Variants in MEF2C observed in about 807,000 individuals in gnomAD.
The protein encoded by MEF2C is myocyte enhancer factor 2C.
In MEF2C, 6 loss-of-function variants were observed where a neutral mutation model predicts 50.5. The observed-to-expected ratio is 0.12, with a 90% confidence interval of 0.07 to 0.23. MEF2C has a LOEUF of 0.23. MEF2C is among the 10% of genes least tolerant of loss of function. The pLI is 1.00. For synonymous variants in MEF2C, 183 were observed against 228.0 expected, an observed-to-expected ratio of 0.80 and a Z score of 1.78; for missense variants, 276 against 605.0, an observed-to-expected ratio of 0.46 and a Z score of 5.70.
At chr5:88,771,337 A>G in intron 3 of MEF2C, 1 of 677,978 alleles carries the variant, frequency 1.5e-6, no homozygotes. Flanking sequence ...CATCCTTCCT[A>G]GAATATCCTT....
intron 10 of MEF2C, among the ~76,000 whole-genome samples, chr5:88,724,031 T>TA (rs1757493504): frequency 6.6e-6 from 1 of 152,168 alleles, no homozygotes; most frequent in Non-Finnish European, 1.5e-5. Context: ...TTACTCTTCT[T>TA]ACACTAATTA....
chr5:88,784,434 TTAAGA>T (rs1309021395), intron 3 of MEF2C, among the ~76,000 whole-genome samples: 2 of 152,200 alleles, frequency 1.3e-5, no homozygotes. Flanking sequence ...ATATAACTGT[TTAAGA>T]TAAAATGCTA....
chr5:88,794,983 TTCTGTTCCATTGG>T (rs1426233856), intron 3 of MEF2C, among the ~76,000 whole-genome samples: 1 of 152,220 alleles, frequency 6.6e-6, no homozygotes, highest in Non-Finnish European at 1.5e-5. Flanking sequence ...GAGGCCTCTG[TTCTGTTCCATTGG>T]TCTGTATAAC....
At chr5:88,751,580 T>C in intron 5 of MEF2C, 1 of 952,576 alleles carries the variant, frequency 1.0e-6, no homozygotes, top group Non-Finnish European at 1.2e-6. Context: ...AAAGGATATC[T>C]GACATCCTGT....
chr5:88,757,172 A>C (rs920431981), intron 4 of MEF2C, among the ~76,000 whole-genome samples: 4 of 152,238 alleles, frequency 2.6e-5, no homozygotes, highest in African/African-American at 9.6e-5. Context: ...CGGTTACTGT[A>C]GTGAGTCATA....
intron 2 of MEF2C, among the ~76,000 whole-genome samples, chr5:88,813,773 C>A (rs6884092): frequency 0.08 from 12,218 of 151,982 alleles, 577 homozygotes; most frequent in Non-Finnish European, 0.098. Context: ...TTTTTATTTT[C>A]ACCATTCTTT....
chr5:88,808,889 T>G (rs1350700632), intron 2 of MEF2C, among the ~76,000 whole-genome samples: 3 of 152,120 alleles, frequency 2.0e-5, no homozygotes, highest in Admixed American at 1.3e-4. Flanking sequence ...TAGTTTGTAA[T>G]GGGGACAAGT....
At chr5:88,778,766 G>C (rs1219187448) in intron 3 of MEF2C, among the ~76,000 whole-genome samples, 1 of 152,168 alleles carries the variant, frequency 6.6e-6, no homozygotes, top group Non-Finnish European at 1.5e-5. Flanking sequence ...GACACAGTAA[G>C]ATGTGATCTT....
chr5:88,826,355 A>G (rs1810840572), intron 1 of MEF2C, among the ~76,000 whole-genome samples: 1 of 151,994 alleles, frequency 6.6e-6, no homozygotes, highest in Non-Finnish European at 1.5e-5. Context: ...TTCTGTATAA[A>G]TATTTCTTGA....
At chr5:88,788,148 C>A (rs1791886431) in intron 3 of MEF2C, among the ~76,000 whole-genome samples, 1 of 151,558 alleles carries the variant, frequency 6.6e-6, no homozygotes, top group African/African-American at 2.4e-5. Flanking sequence ...TGGGCTGTAT[C>A]TATTAACCAT....
intron 1 of MEF2C, among the ~76,000 whole-genome samples, chr5:88,863,254 C>A (rs1331868272): frequency 6.6e-6 from 1 of 152,218 alleles, no homozygotes; most frequent in Non-Finnish European, 1.5e-5. Flanking sequence ...ATATTCAACT[C>A]CCTCATCAGA....
chr5:88,771,655 G>T, intron 3 of MEF2C: 1 of 966,782 alleles, frequency 1.0e-6, no homozygotes. Flanking sequence ...TGGTTCACTG[G>T]ATAAATGAAT....
intron 4 of MEF2C, among the ~76,000 whole-genome samples, chr5:88,756,397 A>T (rs541942230): frequency 6.6e-6 from 1 of 152,316 alleles, no homozygotes; most frequent in South Asian, 2.1e-4. Flanking sequence ...CTTCTAAGTG[A>T]GAACATACGG....
chr5:88,887,934 A>G (rs1157906559), upstream of MEF2C, among the ~76,000 whole-genome samples: 1 of 152,246 alleles, frequency 6.6e-6, no homozygotes, highest in East Asian at 1.9e-4. Context: ...TAAGGATTCT[A>G]TGTTTATCTG....
At chr5:88,770,095 T>C in intron 3 of MEF2C, 1 of 723,848 alleles carries the variant, frequency 1.4e-6, no homozygotes, top group Non-Finnish European at 1.7e-6. Context: ...TAAACAAAGG[T>C]TGAGAGAGGA....
At position 88,797,449 on chromosome 5, in the gene MEF2C, C is replaced by G. The variant is rs574251684; in HGVS notation, c.258+7149G>C. ...TTTTATCACAGACTAGGATTGCAAC[C>G]CTTGCCTTTTTTTTTTTTTTTTTTT... On this transcript the variant is annotated intron_variant, in intron 3 of 10. Coordinates refer to ENST00000504921, the MANE Select transcript of MEF2C (RefSeq NM_002397.5). 2.3e-5 allele frequency among the ~76,000 whole-genome samples: 3 copies of G among 131,596 alleles called. No homozygotes were observed. The South Asian group carries it at 7.1e-4, about 31-fold the overall frequency. The allele number at this position is 131,596 out of a possible 152,430, so 86.3% of individuals were successfully genotyped here.
intron 3 of MEF2C, among the ~76,000 whole-genome samples, chr5:88,766,150 G>C (rs1417353634): frequency 6.6e-6 from 1 of 152,142 alleles, no homozygotes; most frequent in Non-Finnish European, 1.5e-5. Context: ...TATTCCATTT[G>C]CTCATCGGAA....
At chr5:88,865,681 C>G (rs972043056) in intron 1 of MEF2C, among the ~76,000 whole-genome samples, 2 of 152,052 alleles carry the variant, frequency 1.3e-5, no homozygotes, top group Non-Finnish European at 2.9e-5. Flanking sequence ...TAGTCAAAAT[C>G]ACATTAGGAA....
At chr5:88,894,832 A>C (rs1250910103) in intron 1 of MEF2C, among the ~76,000 whole-genome samples, 1 of 152,224 alleles carries the variant, frequency 6.6e-6, no homozygotes, top group Non-Finnish European at 1.5e-5. Context: ...TCATGTATAA[A>C]CAGCATGGGA....
Sources: gnomAD v4.1 joint callset for allele counts (sites outside exome capture counted in the v4.1 genomes callset) on GRCh38, gnomAD v4.1.1 for gene constraint, MANE v1.5 for transcripts, NCBI Gene and HGNC (gene_info 2026-07-23, HGNC 2026-07-21) for gene names.